FCF1: variants seen among roughly 807,000 people sequenced by gnomAD.
The protein encoded by FCF1 is FCF1 rRNA-processing protein, also known as rRNA-processing protein FCF1 homolog.
FCF1 carries 17 observed loss-of-function variants against 32.5 expected under a neutral mutation model. The observed-to-expected ratio is 0.52, with a 90% CI of 0.36 to 0.78. The LOEUF (loss-of-function observed/expected upper bound fraction) is 0.78. Ranked by LOEUF, FCF1 falls within the 30% of genes least tolerant of loss-of-function variation. FCF1 has a pLI of 0.00. For synonymous variants in FCF1, 84 were observed against 78.4 expected (o/e 1.07, Z -0.38); for missense variants, 201 against 241.1 (o/e 0.83, Z 1.10).
In FCF1 at chr14:74,713,171, C is replaced by A. The variant is rs148064092; in HGVS notation, c.-27C>A. ...AGAAGTATTGCGCCGTTGGTGATTA[C>A]GGAAGAACCAGGAGTTTGGCGTGAC... On this transcript the variant is annotated 5_prime_UTR_variant, in exon 1 of 8. Transcript: ENST00000341162. 2 of 1,614,168 alleles carry A rather than the reference C, an allele frequency of 1.2e-6. No homozygotes were observed. The highest frequency in any genetic ancestry group is 1.7e-5 in the Admixed American group (1 of 60,022).
chr14:74,715,246 G>C (rs1026875901), intron 3 of FCF1, among the ~76,000 whole-genome samples: 3 of 151,892 alleles, frequency 2.0e-5, no homozygotes, highest in Non-Finnish European at 2.9e-5. Flanking sequence ...ATAAAAGAGA[G>C]ACTGTATCAC....
intron 2 of FCF1, among the ~76,000 whole-genome samples, chr14:74,714,607 ATATAG>A (rs1337689238): frequency 6.6e-6 from 1 of 152,230 alleles, no homozygotes; most frequent in Non-Finnish European, 1.5e-5. Flanking sequence ...TAAAAAATAA[ATATAG>A]TATAATCAGC....
intron 4 of FCF1, among the ~76,000 whole-genome samples, chr14:74,719,116 C>A (rs1040886536): frequency 8.0e-6 from 1 of 125,010 alleles, no homozygotes; most frequent in African/African-American, 3.3e-5. Context: ...GGTGAGAGAG[C>A]GAGACTCTGT....
chr14:74,718,662 G>A (rs1010239231), intron 4 of FCF1, among the ~76,000 whole-genome samples: 2 of 151,710 alleles, frequency 1.3e-5, no homozygotes, highest in Admixed American at 1.3e-4. Flanking sequence ...AGTAGAGACG[G>A]GGTTTCTCTA....
intron 4 of FCF1, among the ~76,000 whole-genome samples, chr14:74,716,786 G>A (rs1006760832): frequency 7.9e-5 from 12 of 152,104 alleles, no homozygotes; most frequent in East Asian, 1.9e-4. Context: ...TCAGTCACCC[G>A]GTTAGAGGTA....
intron 4 of FCF1, among the ~76,000 whole-genome samples, chr14:74,720,291 A>T (rs1337132363): frequency 2.0e-5 from 3 of 152,174 alleles, no homozygotes; most frequent in Non-Finnish European, 4.4e-5. Flanking sequence ...CCATCACCAT[A>T]GTCAATTTTA....
At chr14:74,723,556 C>T (rs1360468694) in intron 5 of FCF1, among the ~76,000 whole-genome samples, 6 of 151,706 alleles carry the variant, frequency 4.0e-5, no homozygotes, top group East Asian at 1.9e-4. Flanking sequence ...ATATCTTGTC[C>T]GGGCTCGGTG....
chr14:74,715,256 C>T (rs2090403228), intron 3 of FCF1, among the ~76,000 whole-genome samples: 1 of 151,304 alleles, frequency 6.6e-6, no homozygotes, highest in African/African-American at 2.4e-5. Context: ...GACTGTATCA[C>T]CAAAAAATAT....
At chr14:74,717,720 C>CATT (rs2090440535) in intron 4 of FCF1, among the ~76,000 whole-genome samples, 1 of 152,154 alleles carries the variant, frequency 6.6e-6, no homozygotes, top group African/African-American at 2.4e-5. Context: ...AATGCTGTGA[C>CATT]CTACTTATCA....
At chr14:74,713,326 TA>T (rs1402645938) in intron 1 of FCF1, 126 bp downstream of exon 1, 25 of 1,598,682 alleles carry the variant, frequency 1.6e-5, no homozygotes, top group Middle Eastern at 1.7e-4. Flanking sequence ...TCTTAGCTCT[TA>T]AACTTCTCCA....
chr14:74,733,179 A>G (rs2090660120), intron 6 of FCF1, among the ~76,000 whole-genome samples: 1 of 152,168 alleles, frequency 6.6e-6, no homozygotes. Context: ...TTTATTTTTG[A>G]TGTAGGAATT....
At chr14:74,732,451 A>G (rs113326204) in intron 5 of FCF1, among the ~76,000 whole-genome samples, 2 of 152,186 alleles carry the variant, frequency 1.3e-5, no homozygotes, top group Admixed American at 1.3e-4. Flanking sequence ...TCCCAGCTGT[A>G]TAGCTTTGAA....
At chr14:74,733,835 T>C (rs1418779270) in intron 6 of FCF1, among the ~76,000 whole-genome samples, 1 of 152,210 alleles carries the variant, frequency 6.6e-6, no homozygotes, top group Non-Finnish European at 1.5e-5. Context: ...AAAAGTTTTC[T>C]ACCTTCTCCT....
intron 3 of FCF1, 46 bp from the exon 4 acceptor site, chr14:74,715,905 G>C (rs777523732): frequency 6.2e-7 from 1 of 1,610,890 alleles, no homozygotes; most frequent in Non-Finnish European, 8.5e-7. Flanking sequence ...TAATACTAGG[G>C]TATCAATGTA....
rs1333564191 is a variant in FCF1 at position 74,736,465 on chromosome 14, A to ATATGCTTTTTTATGTTT, written c.*1539_*1540insCTTTTTTATGTTTTATG. ...GGGTATAAAATCTCAGACAGGAAGA[A>ATATGCTTTTTTATGTTT]TATGTTTTATGCTTTTTTTGAGTTC... On this transcript the variant is annotated 3_prime_UTR_variant, in exon 8 of 8. Transcript: ENST00000341162. 1 of 152,130 alleles carries ATATGCTTTTTTATGTTT rather than the reference A, an allele frequency of 6.6e-6. No homozygotes were observed. The highest frequency in any genetic ancestry group is 1.5e-5 in the Non-Finnish European group (1 of 68,030). The allele number at this position is 152,130 out of a possible 1,614,324, so 9.4% of individuals were successfully genotyped here.
intron 5 of FCF1, among the ~76,000 whole-genome samples, chr14:74,729,353 T>G (rs1344856591): frequency 2.0e-5 from 3 of 152,068 alleles, no homozygotes; most frequent in African/African-American, 4.8e-5. Context: ...GTCGAGGAAT[T>G]TATCCATTTC....
chr14:74,725,528 G>A (rs1490795816), intron 5 of FCF1, among the ~76,000 whole-genome samples: 2 of 142,216 alleles, frequency 1.4e-5, no homozygotes, highest in East Asian at 2.0e-4. Flanking sequence ...AGAAGCTCAC[G>A]TATAATTCCC....
In FCF1 at chr14:74,736,535, A is replaced by G. The variant is rs1334871090; in HGVS notation, c.*1605A>G. On this transcript the variant is annotated 3_prime_UTR_variant, in exon 8 of 8. Transcript: ENST00000341162. ...TATACTTAATAATGGGGTATTATAC[A>G]TTTCAAAATTGATGTTCTCATCACA... 1.3e-5 allele frequency: 2 copies of G among 152,170 alleles called. No individual in the cohort carries two copies. The highest frequency in any genetic ancestry group is 4.8e-5 in the African/African-American group (2 of 41,432). 9.4% of individuals were successfully genotyped at this position (152,170 alleles called of 1,614,324 possible). A position where few individuals can be genotyped will look rare whatever the true frequency, so the allele number is the denominator to read the frequency against.
At position 74,737,419 on chromosome 14, in the gene FCF1, C is replaced by T. The variant is rs1258572646; in HGVS notation, c.*2489C>T. 2 of 152,106 alleles carry T rather than the reference C, an allele frequency of 1.3e-5. No individual in the cohort carries two copies. Among genetic ancestry groups the T allele is most frequent in the East Asian group, 3.9e-4 (2 of 5,180 alleles). The allele number at this position is 152,106 out of a possible 1,614,324, so 9.4% of individuals were successfully genotyped here. On this transcript the variant is annotated 3_prime_UTR_variant, in exon 8 of 8. Coordinates refer to ENST00000341162, the MANE Select transcript of FCF1 (RefSeq NM_015962.5). ...TTGGTATATTATTAAGGTGGTATTT[C>T]GTTTCTGTGGGAAAAGGAAATTTCA...
Sources: allele counts gnomAD v4.1 joint callset (sites outside exome capture counted in the v4.1 genomes callset), GRCh38; gene constraint gnomAD v4.1.1; transcripts MANE v1.5; gene names NCBI Gene and HGNC (gene_info 2026-07-23, HGNC 2026-07-21).